KAZN: variants seen among roughly 807,000 people sequenced by gnomAD.
The protein encoded by KAZN is kazrin.
A neutral mutation model predicts 87.4 loss-of-function variants in KAZN; 40 were observed. The ratio of observed to expected loss-of-function variants is 0.46; its 90% CI spans 0.36 to 0.60. The LOEUF is 0.60. Ranked by LOEUF, KAZN falls within the 20% of genes least tolerant of loss-of-function variation. The pLI, the probability that KAZN is intolerant of heterozygous loss-of-function variation, is 0.00. For missense variants in KAZN, 898 were observed against 1,073.9 expected, an observed-to-expected ratio of 0.84 and a Z score of 2.29; for synonymous variants, 466 against 458.3, an observed-to-expected ratio of 1.02 and a Z score of -0.22.
At chr1:14,896,827 T>C (rs1388128192) in intron 1 of KAZN, among the ~76,000 whole-genome samples, 2 of 152,188 alleles carry the variant, frequency 1.3e-5, no homozygotes, top group South Asian at 2.1e-4. Context: ...TTGTAAGCTA[T>C]AAAATCAGTT....
At chr1:14,775,241 CAG>C (rs1645142123) in intron 1 of KAZN, among the ~76,000 whole-genome samples, 1 of 152,200 alleles carries the variant, frequency 6.6e-6, no homozygotes, top group Non-Finnish European at 1.5e-5. Flanking sequence ...CCTCCGACAT[CAG>C]AGTCTTTAGT....
intron 1 of KAZN, among the ~76,000 whole-genome samples, chr1:14,021,413 A>G (rs962794662): frequency 4.6e-5 from 7 of 152,192 alleles, no homozygotes; most frequent in Admixed American, 2.0e-4. Context: ...TCCAATTCCC[A>G]GGTGATTTGT....
At chr1:14,745,084 G>A (rs919624555) in intron 1 of KAZN, among the ~76,000 whole-genome samples, 1 of 151,982 alleles carries the variant, frequency 6.6e-6, no homozygotes, top group African/African-American at 2.4e-5. Context: ...CCATTGAATC[G>A]CCTTATGACC....
chr1:14,846,030 G>A lies in KAZN; in HGVS notation c.227-114654G>A, dbSNP rs958531548. On this transcript the variant is annotated intron_variant, in intron 1 of 14. Coordinates refer to ENST00000376030, the MANE Select transcript of KAZN (RefSeq NM_201628.3). ...CTTCAGATTTATGTCATGCTCCATC[G>A]TTTGCTGGGAAGAGCCCAGGGGAAG... is the stretch of plus-strand genomic sequence containing the variant. 2.0e-5 allele frequency among the ~76,000 whole-genome samples: 3 copies of A among 152,152 alleles called. No individual in the cohort carries two copies. The East Asian group carries it at 5.8e-4, about 29-fold the overall frequency.
At chr1:14,229,297 G>C (rs147277689) in intron 2 of KAZN, among the ~76,000 whole-genome samples, 11 of 152,096 alleles carry the variant, frequency 7.2e-5, no homozygotes, top group Admixed American at 1.3e-4. Context: ...TAATATATTC[G>C]GCTTTAACAT....
intron 1 of KAZN, among the ~76,000 whole-genome samples, chr1:14,729,687 CT>C (rs1643586794): frequency 6.6e-6 from 1 of 152,176 alleles, no homozygotes; most frequent in Non-Finnish European, 1.5e-5. Flanking sequence ...GTAGCAGTCA[CT>C]GGCTCGAAAT....
chr1:14,473,169 G>A (rs9429234), intron 2 of KAZN, among the ~76,000 whole-genome samples: 49,764 of 152,010 alleles, frequency 0.33, 8,305 homozygotes, highest in East Asian at 0.4. Context: ...TTTAAAAAGG[G>A]CTGCAAAATA....
chr1:14,251,643 CTTTTTT>C (rs549092023), intron 2 of KAZN, among the ~76,000 whole-genome samples: 22,620 of 90,060 alleles, frequency 0.25, 2,610 homozygotes, highest in Middle Eastern at 0.49. Flanking sequence ...TTCTCCCGGA[CTTTTTT>C]TTTTTTTTTT....
intron 2 of KAZN, among the ~76,000 whole-genome samples, chr1:14,268,392 T>C (rs1358004780): frequency 2.0e-5 from 3 of 151,270 alleles, no homozygotes; most frequent in Non-Finnish European, 4.4e-5. Flanking sequence ...TCAGAAGATA[T>C]ATCATCCAGT....
intron 1 of KAZN, among the ~76,000 whole-genome samples, chr1:14,686,304 C>T (rs1161442780): frequency 6.6e-6 from 1 of 152,124 alleles, no homozygotes; most frequent in African/African-American, 2.4e-5. Flanking sequence ...ACCTCATGAT[C>T]CACCTGCCTC....
chr1:14,889,945 C>T (rs1202670959), intron 1 of KAZN, among the ~76,000 whole-genome samples: 1 of 152,182 alleles, frequency 6.6e-6, no homozygotes, highest in Non-Finnish European at 1.5e-5. Context: ...GTAGTATCAT[C>T]AGTGAAAAGA....
intron 1 of KAZN, among the ~76,000 whole-genome samples, chr1:14,137,912 A>C (rs989953888): frequency 2.0e-5 from 3 of 151,980 alleles, no homozygotes; most frequent in African/African-American, 7.2e-5. Flanking sequence ...CAGTTAAGGA[A>C]TTCTTCCAGG....
intron 1 of KAZN, among the ~76,000 whole-genome samples, chr1:14,841,990 C>T (rs898761770): frequency 1.3e-5 from 2 of 152,226 alleles, no homozygotes; most frequent in African/African-American, 2.4e-5. Flanking sequence ...AACTCTCTAA[C>T]CTCCTTCAGG....
intron 8 of KAZN, among the ~76,000 whole-genome samples, chr1:15,075,864 C>G (rs1639716623): frequency 6.6e-6 from 1 of 152,212 alleles, no homozygotes; most frequent in African/African-American, 2.4e-5. Context: ...CACAGGGACC[C>G]AGGGGATGGG....
rs150189354 is a variant in KAZN at position 14,680,316 on chromosome 1, G to A, written c.226+81093G>A. The stretch of plus-strand genomic sequence containing the variant: ...GTGCTCCTTCCCAGTCCGTTCCTAC[G>A]TAGCCCTCCCCCTACTCCTGCAGCT... On this transcript the variant is annotated intron_variant, in intron 1 of 14. Transcript: ENST00000376030. Among the ~76,000 whole-genome samples the A allele has an allele frequency of 3.6e-3, 540 of 152,066 alleles. 13 individuals carry two copies. The East Asian group carries it at 0.048, about 13-fold the overall frequency.
intron 2 of KAZN, among the ~76,000 whole-genome samples, chr1:14,991,722 T>A (rs1427844282): frequency 6.6e-6 from 1 of 152,184 alleles, no homozygotes; most frequent in African/African-American, 2.4e-5. Flanking sequence ...GCACAGGGAT[T>A]GATGCTGTGG....
At chr1:14,240,795 T>C (rs1648869701) in intron 2 of KAZN, among the ~76,000 whole-genome samples, 1 of 152,222 alleles carries the variant, frequency 6.6e-6, no homozygotes, top group African/African-American at 2.4e-5. Context: ...ATCTTCTATA[T>C]TGGAGCCAGC....
At chr1:14,557,634 GT>G (rs1229543732) in intron 2 of KAZN, among the ~76,000 whole-genome samples, 14 of 30,618 alleles carry the variant, frequency 4.6e-4, no homozygotes, top group Non-Finnish European at 6.7e-4. Context: ...GTGTGGGTGT[GT>G]GTGTGTGTGT....
intron 2 of KAZN, among the ~76,000 whole-genome samples, chr1:14,370,146 G>A (rs148973032): frequency 1.3e-5 from 2 of 152,326 alleles, no homozygotes; most frequent in African/African-American, 4.8e-5. Context: ...GAGGGTGGAT[G>A]TCTTTCCACC....
Sources: allele counts gnomAD v4.1 joint callset (sites outside exome capture counted in the v4.1 genomes callset), GRCh38; gene constraint gnomAD v4.1.1; transcripts MANE v1.5; gene names NCBI Gene and HGNC (gene_info 2026-07-23, HGNC 2026-07-21).